The following CLIP4 variants were observed in gnomAD, a reference collection of about 807,000 sequenced individuals.
CLIP4 encodes the protein CAP-Gly domain containing linker protein family member 4.
Under a neutral mutation model 73.1 loss-of-function variants are expected in CLIP4, and 47 were observed. That is an observed-to-expected ratio of 0.64 (90% confidence interval 0.51 to 0.82). The LOEUF (loss-of-function observed/expected upper bound fraction) is 0.82, where lower values mean the gene tolerates loss of function less well. Among genes scored for constraint, CLIP4 ranks in the 40% least tolerant of loss-of-function variants. CLIP4 has a pLI of 0.00. For missense variants in CLIP4, 874 were observed against 852.9 expected (o/e 1.02, Z -0.31); for synonymous variants, 306 against 295.4 (o/e 1.04, Z -0.37).
chr2:29,170,032 G>A (rs1367634993), intron 14 of CLIP4, among the ~76,000 whole-genome samples: 2 of 152,102 alleles, frequency 1.3e-5, no homozygotes, highest in Non-Finnish European at 2.9e-5. Context: ...TGTGCCTGGC[G>A]TATTTCACTT....
At chr2:29,157,029 C>A (rs1213216428) in intron 10 of CLIP4, among the ~76,000 whole-genome samples, 175 bp from the exon 11 acceptor site, 1 of 152,096 alleles carries the variant, frequency 6.6e-6, no homozygotes, top group Non-Finnish European at 1.5e-5. Flanking sequence ...GTTATAAAAT[C>A]TTTTATATAT....
chr2:29,152,846 G>T lies in CLIP4; in HGVS notation c.1165+18G>T. On this transcript the variant is annotated intron_variant, in intron 9 of 15. Transcript: ENST00000320081. ...AAATACTGGTAGGTCAAACCAGAAA[G>T]TTAACCATCTGCTTCAGTGTTTTAA... 1 of 1,608,890 alleles carries T rather than the reference G, an allele frequency of 6.2e-7. No homozygotes were observed. Among genetic ancestry groups the T allele is most frequent in the Non-Finnish European group, 8.5e-7 (1 of 1,178,478 alleles).
rs142112726 is a variant in CLIP4 at position 29,139,055 on chromosome 2, A to G, written c.648+3389A>G. ...AGTACTATGTTGAATAGGCGTAGTGACAGTGGACATTCTTGTTTTGTTCCA... is the reference window on the plus strand; with the variant it reads ...AGTACTATGTTGAATAGGCGTAGTGGCAGTGGACATTCTTGTTTTGTTCCA... On this transcript the variant is annotated intron_variant, in intron 6 of 15. Coordinates refer to ENST00000320081, the MANE Select transcript of CLIP4 (RefSeq NM_024692.6). Among the ~76,000 whole-genome samples the G allele has an allele frequency of 3.1e-3, 473 of 152,252 alleles. 1 individual carries two copies. The highest frequency in any genetic ancestry group is 0.011 in the African/African-American group (451 of 41,538).
At chr2:29,140,686 A>C (rs1665702580) in intron 6 of CLIP4, among the ~76,000 whole-genome samples, 1 of 152,198 alleles carries the variant, frequency 6.6e-6, no homozygotes, top group Non-Finnish European at 1.5e-5. Context: ...ACTAGTTTAC[A>C]GTCCCACCAA....
intron 6 of CLIP4, among the ~76,000 whole-genome samples, chr2:29,141,481 T>C (rs751468027): frequency 1.7e-4 from 26 of 152,232 alleles, no homozygotes; most frequent in Non-Finnish European, 2.9e-4. Context: ...CTAGTAGTAA[T>C]TGCTTTATAA....
chr2:29,140,238 C>T (rs1464942179), intron 6 of CLIP4, among the ~76,000 whole-genome samples: 3 of 152,130 alleles, frequency 2.0e-5, no homozygotes, highest in African/African-American at 7.2e-5. Flanking sequence ...TCTCCTCCCG[C>T]CCCACAACAG....
chr2:29,141,981 T>A (rs796668691), intron 6 of CLIP4, among the ~76,000 whole-genome samples: 9 of 152,320 alleles, frequency 5.9e-5, no homozygotes, highest in African/African-American at 1.7e-4. Context: ...ACTCTCTTAA[T>A]CATCTTTTAT....
Position 29,100,899 on chromosome 2 carries a change from G to A in CLIP4, c.-16+2952G>A, listed in dbSNP as rs192168750. 5.2e-3 allele frequency among the ~76,000 whole-genome samples: 788 copies of A among 152,204 alleles called. 2 individuals carry two copies. The highest frequency in any genetic ancestry group is 0.018 in the African/African-American group (735 of 41,540). On this transcript the variant is annotated intron_variant, in intron 1 of 14. Coordinates refer to the CLIP4 transcript ENST00000401605. ...GAACTAATAGGATAGATGTATAAATGAAGAGGGAGTTTATTAGGAGAGTTG... is the reference window on the plus strand; with the variant it reads ...GAACTAATAGGATAGATGTATAAATAAAGAGGGAGTTTATTAGGAGAGTTG...
At chr2:29,169,525 G>A (rs1288055407) in intron 14 of CLIP4, among the ~76,000 whole-genome samples, 1 of 152,090 alleles carries the variant, frequency 6.6e-6, no homozygotes, top group East Asian at 1.9e-4. Context: ...AGGAGGTTAG[G>A]ACTTCAGCAT....
At chr2:29,101,540 G>T (rs139726736) in intron 1 of CLIP4, among the ~76,000 whole-genome samples, 1 of 152,212 alleles carries the variant, frequency 6.6e-6, no homozygotes, top group Non-Finnish European at 1.5e-5. Context: ...TCCTGGCCAT[G>T]CTGGCAGGTG....
chr2:29,157,035 T>C (rs765785414), intron 10 of CLIP4, among the ~76,000 whole-genome samples, 169 bp from the exon 11 acceptor site: 3 of 152,216 alleles, frequency 2.0e-5, no homozygotes, highest in Non-Finnish European at 4.4e-5. Flanking sequence ...AAATCTTTTA[T>C]ATATAAACTA....
chr2:29,151,440 T>G (rs531716766), intron 8 of CLIP4, among the ~76,000 whole-genome samples: 2 of 152,150 alleles, frequency 1.3e-5, no homozygotes, highest in East Asian at 3.9e-4. Flanking sequence ...TGTGTGTGTG[T>G]TAGGGAAGGA....
At chr2:29,127,751 G>A (rs1245768147) in intron 2 of CLIP4, among the ~76,000 whole-genome samples, 2 of 152,040 alleles carry the variant, frequency 1.3e-5, no homozygotes, top group East Asian at 3.9e-4. Context: ...AAATCTTCCA[G>A]CAATTTTGTA....
intron 1 of CLIP4, among the ~76,000 whole-genome samples, chr2:29,107,377 T>TTTTTG (rs1668253599): frequency 7.7e-6 from 1 of 129,314 alleles, no homozygotes; most frequent in African/African-American, 3.0e-5. Flanking sequence ...TTTTTTTTTT[T>TTTTTG]TTTTTTTTTT....
At chr2:29,121,722 A>G (rs1047628130) in intron 2 of CLIP4, among the ~76,000 whole-genome samples, 8 of 152,182 alleles carry the variant, frequency 5.3e-5, no homozygotes, top group African/African-American at 1.9e-4. Context: ...GTCAGCATTT[A>G]TATTATGTTA....
At chr2:29,150,993 T>C (rs1224313107) in intron 8 of CLIP4, among the ~76,000 whole-genome samples, 1 of 152,198 alleles carries the variant, frequency 6.6e-6, no homozygotes, top group East Asian at 1.9e-4. Flanking sequence ...GATATAGTGG[T>C]TTATGGATAT....
chr2:29,150,696 G>T (rs1666503329), intron 8 of CLIP4, among the ~76,000 whole-genome samples: 1 of 128,354 alleles, frequency 7.8e-6, no homozygotes, highest in Non-Finnish European at 1.6e-5. Context: ...TGTTGCCCAG[G>T]CTGGAGTGCA....
chr2:29,130,561 G>C, intron 2 of CLIP4: 1 of 1,002,454 alleles, frequency 1.0e-6, no homozygotes. Flanking sequence ...CCTGAGCTGG[G>C]GGTGGGACTT....
At position 29,160,395 on chromosome 2, in the gene CLIP4, GGAGA is replaced by G; in HGVS notation, c.1468_1471del (p.Arg490CysfsTer2). The G allele has an allele frequency of 6.2e-7, 1 of 1,614,074 alleles. No homozygotes were observed. Among genetic ancestry groups the G allele is most frequent in the Non-Finnish European group, 8.5e-7 (1 of 1,179,984 alleles). On this transcript the variant is annotated frameshift_variant, in exon 12 of 16. Coordinates refer to ENST00000320081, the MANE Select transcript of CLIP4 (RefSeq NM_024692.6). LOFTEE classifies it high-confidence loss of function. ...CCGTTGCGAGGGGGAACTCCGCCTCGGAGAGAGAGTGTTAGTGGTAGGACAGAGA... is the reference window on the plus strand; with the variant it reads ...CCGTTGCGAGGGGGAACTCCGCCTCGGAGAGTGTTAGTGGTAGGACAGAGA...
Sources: allele counts gnomAD v4.1 joint callset (sites outside exome capture counted in the v4.1 genomes callset), GRCh38; gene constraint gnomAD v4.1.1; transcripts MANE v1.5; gene names NCBI Gene and HGNC (gene_info 2026-07-23, HGNC 2026-07-21).